RIMKLB: variants seen among roughly 807,000 people sequenced by gnomAD.
The protein encoded by RIMKLB is beta-citrylglutamate synthase B.
In RIMKLB, 7 loss-of-function variants were observed where a neutral mutation model predicts 32.0. The ratio of observed to expected loss-of-function variants is 0.22; its 90% CI spans 0.12 to 0.41. The LOEUF is 0.41. Among genes scored for constraint, RIMKLB ranks in the 10% least tolerant of loss-of-function variants. The probability of loss-of-function intolerance (pLI) is 1.00; values close to 1 mark genes in which losing one functional copy is unlikely to be tolerated. For synonymous variants in RIMKLB, 172 were observed against 185.1 expected (o/e 0.93, Z 0.57); for missense variants, 289 against 498.7 (o/e 0.58, Z 4.00).
intron 5 of RIMKLB, among the ~76,000 whole-genome samples, chr12:8,756,684 CTTTTTTTTTTTTT>C (rs145312687): frequency 2.7e-4 from 25 of 90,984 alleles, no homozygotes; most frequent in Admixed American, 1.0e-3. Context: ...TTACTTTCTA[CTTTTTTTTTTTTT>C]TTTTTTTTTT....
the RIMKLB span, among the ~76,000 whole-genome samples, chr12:8,674,774 T>A: frequency 6.6e-6 from 1 of 151,816 alleles, no homozygotes; most frequent in Admixed American, 6.6e-5. Context: ...GGTCTCGAAC[T>A]CCTCACCTCA....
chr12:8,727,496 CAG>C (rs1487872544), intron 2 of RIMKLB, among the ~76,000 whole-genome samples: 1 of 152,218 alleles, frequency 6.6e-6, no homozygotes, highest in Admixed American at 6.5e-5. Context: ...CTCGGCCTCC[CAG>C]AGTGCTGGGA....
chr12:8,694,305 T>C (rs1942820219), upstream of RIMKLB, among the ~76,000 whole-genome samples: 1 of 151,800 alleles, frequency 6.6e-6, no homozygotes, highest in Non-Finnish European at 1.5e-5. Flanking sequence ...CTTGGACTCG[T>C]GTATTCAAGC....
intron 5 of RIMKLB, among the ~76,000 whole-genome samples, chr12:8,771,392 A>G (rs1451961766): frequency 6.6e-6 from 1 of 152,130 alleles, no homozygotes; most frequent in Admixed American, 6.5e-5. Context: ...GTTAGATTCT[A>G]TTTTCTAAGG....
At chr12:8,708,451 T>C (rs1192630238) in intron 1 of RIMKLB, among the ~76,000 whole-genome samples, 2 of 152,208 alleles carry the variant, frequency 1.3e-5, no homozygotes, top group South Asian at 2.1e-4. Context: ...CTGTACAGAA[T>C]AGGTTGACAC....
Position 8,723,812 on chromosome 12 carries a change from T to TTTTC in RIMKLB, c.175+9774_175+9775insCTTT, listed in dbSNP as rs768143140. ...AGGCTTTCTTCAGTTCCCTTTTTTT[T>TTTTC]TTTTTTTTTTTTTTTTGGAGACAGA... is the stretch of plus-strand genomic sequence containing the variant. On this transcript the variant is annotated intron_variant, in intron 2 of 5. Transcript: ENST00000535829. 5.2e-3 allele frequency among the ~76,000 whole-genome samples: 714 copies of TTTTC among 138,488 alleles called. 7 individuals are homozygous for TTTTC. The highest frequency in any genetic ancestry group is 0.01 in the Middle Eastern group (3 of 286). The allele number at this position is 138,488 out of a possible 152,430, so 90.9% of individuals were successfully genotyped here. A position where few individuals can be genotyped will look rare whatever the true frequency, so the allele number is the denominator to read the frequency against.
chr12:8,748,544 G>GTGTGTT (rs957235150), intron 2 of RIMKLB, among the ~76,000 whole-genome samples: 12 of 110,374 alleles, frequency 1.1e-4, no homozygotes, highest in Non-Finnish European at 1.3e-4. Context: ...GTGTGTGTGT[G>GTGTGTT]TGTGTGTGTG....
intron 5 of RIMKLB, among the ~76,000 whole-genome samples, chr12:8,754,708 A>G (rs765524148): frequency 6.4e-4 from 97 of 152,270 alleles, no homozygotes; most frequent in Non-Finnish European, 1.1e-3. Flanking sequence ...CTTACTCAGT[A>G]TCTCCAAAAC....
At chr12:8,767,466 G>C (rs1950062369) in intron 5 of RIMKLB, among the ~76,000 whole-genome samples, 1 of 152,168 alleles carries the variant, frequency 6.6e-6, no homozygotes, top group South Asian at 2.1e-4. Context: ...ATGAAAGTCT[G>C]AATCATTAGT....
the RIMKLB span, among the ~76,000 whole-genome samples, chr12:8,670,679 T>C: frequency 6.6e-6 from 1 of 152,142 alleles, no homozygotes; most frequent in African/African-American, 2.4e-5. Context: ...CATTCTGGGG[T>C]CTGGGGGGCC....
At chr12:8,779,653 C>CA (rs1950921378), downstream of RIMKLB, 1 of 152,034 alleles carries the variant, frequency 6.6e-6, no homozygotes, top group Non-Finnish European at 1.5e-5. Flanking sequence ...TTGATGAAGG[C>CA]AGTGGGAGGG....
chr12:8,715,034 A>T (rs1470405634), intron 2 of RIMKLB, among the ~76,000 whole-genome samples: 1 of 152,170 alleles, frequency 6.6e-6, no homozygotes, highest in Middle Eastern at 3.2e-3. Context: ...AGGCTAACAG[A>T]TCCAGAATCT....
chr12:8,677,038 G>A (rs1942347257), upstream of RIMKLB, among the ~76,000 whole-genome samples: 1 of 152,092 alleles, frequency 6.6e-6, no homozygotes, highest in Admixed American at 6.6e-5. Flanking sequence ...ACTGAGCTTG[G>A]TTTTTAATTC....
intron 2 of RIMKLB, among the ~76,000 whole-genome samples, chr12:8,736,705 G>A (rs1437193831): frequency 6.6e-6 from 1 of 151,822 alleles, no homozygotes; most frequent in Admixed American, 6.6e-5. Context: ...GGCTGGTCTT[G>A]AACTCCTGGG....
At chr12:8,724,081 A>G (rs919947125) in intron 2 of RIMKLB, among the ~76,000 whole-genome samples, 4 of 152,134 alleles carry the variant, frequency 2.6e-5, no homozygotes, top group African/African-American at 9.6e-5. Context: ...AGCCCCCAAA[A>G]TGCTAGGTTT....
At chr12:8,684,989 A>C (rs984897712) in intron 1 of RIMKLB, among the ~76,000 whole-genome samples, 5 of 152,140 alleles carry the variant, frequency 3.3e-5, no homozygotes, top group Non-Finnish European at 7.3e-5. Flanking sequence ...TTTGTATGTA[A>C]ACCTTTTATC....
intron 5 of RIMKLB, among the ~76,000 whole-genome samples, chr12:8,765,340 T>TAC (rs1431939106): frequency 1.3e-5 from 2 of 152,204 alleles, no homozygotes; most frequent in African/African-American, 4.8e-5. Context: ...AGTGAGGGTC[T>TAC]ACACTGGGAA....
At chr12:8,761,432 G>C (rs1409670281) in intron 5 of RIMKLB, among the ~76,000 whole-genome samples, 2 of 151,734 alleles carry the variant, frequency 1.3e-5, no homozygotes, top group African/African-American at 2.4e-5. Flanking sequence ...AGATTTAATA[G>C]AGCGAAAACA....
rs1315977766 is a variant in RIMKLB, at chr12:8,775,977, A to G, written c.*2193A>G. The G allele has an allele frequency of 2.0e-6, 2 of 983,508 alleles. No individual in the cohort carries two copies. Among genetic ancestry groups the G allele is most frequent in the Non-Finnish European group, 2.4e-6 (2 of 828,290 alleles). 60.9% of individuals were successfully genotyped at this position (983,508 alleles called of 1,614,324 possible). A position where few individuals can be genotyped will look rare whatever the true frequency, so the allele number is the denominator to read the frequency against. On this transcript the variant is annotated 3_prime_UTR_variant, in exon 6 of 6. Coordinates refer to ENST00000535829, the MANE Select transcript of RIMKLB (RefSeq NM_001297776.2). ...GACCATACTGTGGAGGATGCATACT[A>G]TTTGGTATAGAGAAATAAATGAGGA... is the stretch of plus-strand genomic sequence containing the variant.
Sources: gnomAD v4.1 joint callset for allele counts (sites outside exome capture counted in the v4.1 genomes callset) on GRCh38, gnomAD v4.1.1 for gene constraint, MANE v1.5 for transcripts, NCBI Gene and HGNC (gene_info 2026-07-23, HGNC 2026-07-21) for gene names.